The following DMD variants were observed in gnomAD, a reference collection of about 807,000 sequenced individuals.
DMD encodes mutant dystrophin.
Under a neutral mutation model 330.1 loss-of-function variants are expected in DMD, and 63 were observed. The observed-to-expected ratio is 0.19, with a 90% CI of 0.16 to 0.24. The LOEUF is 0.24. DMD is among the 10% of genes least tolerant of loss of function. The probability of loss-of-function intolerance (pLI) is 1.00; values close to 1 mark genes in which losing one functional copy is unlikely to be tolerated. For missense variants in DMD, 3,344 were observed against 2,684.1 expected (o/e 1.25, Z -5.43); for synonymous variants, 1,223 against 959.8 (o/e 1.27, Z -5.07).
chrX:31,450,208 T>C (rs2065621049), intron 59 of DMD, among the ~76,000 whole-genome samples: 1 of 111,688 alleles, frequency 9.0e-6, no homozygotes, highest in Admixed American at 9.5e-5. Flanking sequence ...AGAAATCATG[T>C]CCTATAAATA....
chrX:32,778,710 T>C (rs1417533806), intron 7 of DMD, among the ~76,000 whole-genome samples: 1 of 111,508 alleles, frequency 9.0e-6, no homozygotes, highest in Non-Finnish European at 1.9e-5. Context: ...CGAACAACAG[T>C]AGGTATAGTC....
chrX:32,103,475 CCTT>C (rs2096549620), intron 44 of DMD, among the ~76,000 whole-genome samples: 1 of 111,642 alleles, frequency 9.0e-6, no homozygotes, highest in Admixed American at 9.5e-5. Context: ...GTCTTACACT[CCTT>C]CTGATGACAT....
At chrX:33,159,350 T>C (rs1284967451) in intron 1 of DMD, 1 of 111,048 alleles carries the variant, frequency 9.0e-6, no homozygotes, top group Non-Finnish European at 1.9e-5. Flanking sequence ...GTTTGTTACA[T>C]AGGTATACAC....
intron 29 of DMD, among the ~76,000 whole-genome samples, chrX:32,422,734 T>C (rs2098195181): frequency 8.9e-6 from 1 of 111,779 alleles, no homozygotes; most frequent in African/African-American, 3.2e-5. Context: ...TGGAATACAC[T>C]GCAAAGAAAT....
intron 1 of DMD, among the ~76,000 whole-genome samples, chrX:33,166,915 T>G (rs911535387): frequency 9.0e-6 from 1 of 110,929 alleles, no homozygotes; most frequent in African/African-American, 3.3e-5. Flanking sequence ...TAATGGGATA[T>G]TAACACATTT....
chrX:33,157,153 C>G (rs1260132554), intron 1 of DMD, among the ~76,000 whole-genome samples: 3 of 111,281 alleles, frequency 2.7e-5, no homozygotes, highest in East Asian at 5.7e-4. Flanking sequence ...ATATTGTCTC[C>G]CAGTTCTGGT....
At chrX:31,603,343 T>C (rs369451912) in intron 55 of DMD, among the ~76,000 whole-genome samples, 1 of 111,215 alleles carries the variant, frequency 9.0e-6, no homozygotes, top group South Asian at 3.7e-4. Flanking sequence ...TTATAATCAA[T>C]ACAATCCAGT....
chrX:33,008,958 A>G (rs2093479380), intron 2 of DMD, among the ~76,000 whole-genome samples: 2 of 98,597 alleles, frequency 2.0e-5, no homozygotes, highest in Non-Finnish European at 4.1e-5. Context: ...ATACGTATAT[A>G]TACATATGTG....
intron 7 of DMD, among the ~76,000 whole-genome samples, chrX:32,708,226 C>A (rs1056201484): frequency 9.1e-6 from 1 of 110,056 alleles, no homozygotes. Context: ...TAAGGGCAGT[C>A]CTGGGGCAAA....
chrX:32,563,800 T>A (rs1014837502), intron 16 of DMD, among the ~76,000 whole-genome samples: 4 of 112,127 alleles, frequency 3.6e-5, no homozygotes, highest in Non-Finnish European at 7.5e-5. Context: ...CCTTTTCACA[T>A]TTCAGGGAGC....
chrX:33,084,087 T>G (rs916142344), intron 1 of DMD, among the ~76,000 whole-genome samples: 1 of 112,189 alleles, frequency 8.9e-6, no homozygotes, highest in African/African-American at 3.2e-5. Flanking sequence ...CCATGACTAT[T>G]TTTCCATTGC....
chrX:31,420,919 TCTC>T (rs1417264591), intron 60 of DMD, among the ~76,000 whole-genome samples: 1 of 112,055 alleles, frequency 8.9e-6, no homozygotes, highest in African/African-American at 3.2e-5. Context: ...TTGACTGACT[TCTC>T]CTTTTTATCT....
At chrX:32,223,855 C>A (rs2097139298) in intron 43 of DMD, among the ~76,000 whole-genome samples, 1 of 111,204 alleles carries the variant, frequency 9.0e-6, no homozygotes, top group Non-Finnish European at 1.9e-5. Context: ...TATTTATTGG[C>A]CGTTTGGATT....
intron 41 of DMD, among the ~76,000 whole-genome samples, chrX:32,327,088 C>A (rs1451523731): frequency 9.2e-6 from 1 of 108,756 alleles, no homozygotes; most frequent in Non-Finnish European, 1.9e-5. Flanking sequence ...AACTATGAGT[C>A]CATATATATA....
chrX:31,925,018 T>C (rs1055672174), intron 47 of DMD, among the ~76,000 whole-genome samples: 2 of 109,188 alleles, frequency 1.8e-5, no homozygotes, highest in Admixed American at 9.6e-5. Flanking sequence ...TTAAAAATAG[T>C]AGGATTTTAA....
intron 44 of DMD, among the ~76,000 whole-genome samples, chrX:32,169,165 C>T (rs1445348765): frequency 8.9e-6 from 1 of 111,927 alleles, no homozygotes; most frequent in African/African-American, 3.2e-5. Flanking sequence ...AGAGTTACAG[C>T]ATCTTCCTCT....
chrX:33,133,748 T>C (rs2095511502), intron 1 of DMD, among the ~76,000 whole-genome samples: 2 of 112,265 alleles, frequency 1.8e-5, no homozygotes, highest in African/African-American at 3.2e-5. Context: ...GCTCTTCAGC[T>C]GGCAGCATTT....
At chrX:31,279,806 TAG>T (rs1392333447) in intron 62 of DMD, among the ~76,000 whole-genome samples, 2 of 112,796 alleles carry the variant, frequency 1.8e-5, no homozygotes, top group Non-Finnish European at 3.7e-5. Context: ...CATTGTGTTA[TAG>T]AGTTTATGAA....
intron 2 of DMD, among the ~76,000 whole-genome samples, chrX:33,014,120 T>A (rs1159107874): frequency 9.0e-6 from 1 of 111,448 alleles, no homozygotes; most frequent in Non-Finnish European, 1.9e-5. Context: ...CAGTGGAAAT[T>A]TGCAATCAGT....
Sources: gnomAD v4.1 joint callset for allele counts (sites outside exome capture counted in the v4.1 genomes callset) on GRCh38, gnomAD v4.1.1 for gene constraint, MANE v1.5 for transcripts, NCBI Gene and HGNC (gene_info 2026-07-23, HGNC 2026-07-21) for gene names.